The following DCDC2C variants were observed in gnomAD, a reference collection of about 807,000 sequenced individuals.
DCDC2C encodes the protein doublecortin domain containing 2C.
A neutral mutation model predicts 45.0 loss-of-function variants in DCDC2C; 44 were observed. The observed-to-expected ratio is 0.98, with a 90% CI of 0.77 to 1.26. DCDC2C has a LOEUF of 1.26. Ranked by LOEUF, DCDC2C falls within the 50% of genes most tolerant of loss-of-function variation. The pLI, the probability that DCDC2C is intolerant of heterozygous loss-of-function variation, is 0.00. For synonymous variants in DCDC2C, 187 were observed against 178.8 expected, an observed-to-expected ratio of 1.05 and a Z score of -0.37; for missense variants, 447 against 468.9, an observed-to-expected ratio of 0.95 and a Z score of 0.43.
At chr2:3,750,097 C>T (rs750353267) in intron 4 of DCDC2C, among the ~76,000 whole-genome samples, 2 of 151,786 alleles carry the variant, frequency 1.3e-5, no homozygotes, top group Admixed American at 6.6e-5. Context: ...CCCGGATCCA[C>T]GCTGGACACT....
At chr2:3,745,434 CTTAAA>C (rs1399437830) in intron 4 of DCDC2C, among the ~76,000 whole-genome samples, 3 of 152,024 alleles carry the variant, frequency 2.0e-5, no homozygotes, top group Non-Finnish European at 4.4e-5. Flanking sequence ...TTTTCCTGGA[CTTAAA>C]TTAGTTTTTT....
At chr2:3,710,123 G>T (rs1000199359) in intron 2 of DCDC2C, among the ~76,000 whole-genome samples, 1 of 152,140 alleles carries the variant, frequency 6.6e-6, no homozygotes. Context: ...CAAAAATACT[G>T]TGCAGAAAAT....
intron 8 of DCDC2C, among the ~76,000 whole-genome samples, chr2:3,772,931 A>G (rs1049512886): frequency 6.6e-6 from 1 of 152,130 alleles, no homozygotes; most frequent in African/African-American, 2.4e-5. Context: ...ACTCTCACAG[A>G]GTTCTGTGGG....
At chr2:3,774,455 C>A (rs1004019932) in intron 8 of DCDC2C, among the ~76,000 whole-genome samples, 2 of 152,234 alleles carry the variant, frequency 1.3e-5, no homozygotes, top group Non-Finnish European at 2.9e-5. Context: ...CCACTGCCTC[C>A]CTCCAAGCCT....
Position 3,791,127 on chromosome 2 carries a change from G to A in DCDC2C, c.1065+6027G>A, listed in dbSNP as rs1204038208. Reference sequence around the variant, plus strand: ...CTGTCTCAAAAAAAAAGAAAATTTTGTGGTTCTAGAAGTAGAAAGCTTGTA... The same window carrying A: ...CTGTCTCAAAAAAAAAGAAAATTTTATGGTTCTAGAAGTAGAAAGCTTGTA... On this transcript the variant is annotated intron_variant, in intron 10 of 10. Coordinates refer to ENST00000399143, the MANE Select transcript of DCDC2C (RefSeq NM_001287444.2). Among the ~76,000 whole-genome samples, 4 of 152,016 alleles carry A rather than the reference G, an allele frequency of 2.6e-5. No homozygotes were observed. In the East Asian group the frequency reaches 7.8e-4, roughly 29 times the overall value.
chr2:3,789,883 T>C (rs1670759238), intron 10 of DCDC2C, among the ~76,000 whole-genome samples: 1 of 152,152 alleles, frequency 6.6e-6, no homozygotes, highest in Admixed American at 6.5e-5. Context: ...CATAAGAAAA[T>C]AGAACATAGT....
At chr2:3,755,460 T>C (rs1009299699) in intron 6 of DCDC2C, among the ~76,000 whole-genome samples, 1 of 35,804 alleles carries the variant, frequency 2.8e-5, no homozygotes, top group African/African-American at 7.3e-5. Flanking sequence ...AATGCATGTG[T>C]GTGTATGGAG....
chr2:3,799,618 T>C lies in DCDC2C; in HGVS notation c.1065+14518T>C, dbSNP rs530855288. ...ACCCTCAGCTGCAGGTCTGTTGGAGTACCTGGCCATGTGAGGTGTCAGTCT... is the reference window on the plus strand; with the variant it reads ...ACCCTCAGCTGCAGGTCTGTTGGAGCACCTGGCCATGTGAGGTGTCAGTCT... On this transcript the variant is annotated intron_variant, in intron 10 of 10. Transcript: ENST00000399143. Among the ~76,000 whole-genome samples, 4 of 152,392 alleles carry C rather than the reference T, an allele frequency of 2.6e-5. No individual in the cohort carries two copies. The South Asian group carries it at 8.3e-4, about 32-fold the overall frequency.
At chr2:3,805,730 T>C (rs1239275106) in intron 10 of DCDC2C, among the ~76,000 whole-genome samples, 2 of 152,238 alleles carry the variant, frequency 1.3e-5, no homozygotes, top group African/African-American at 4.8e-5. Context: ...CGGATGATGC[T>C]GCATGCCAAA....
chr2:3,734,911 C>T lies in DCDC2C; in HGVS notation c.417-7009C>T, dbSNP rs949166227. 5.9e-5 allele frequency among the ~76,000 whole-genome samples: 9 copies of T among 152,086 alleles called. No homozygotes were observed. The highest frequency in any genetic ancestry group is 2.0e-4 in the Admixed American group (3 of 15,262). ...CTTTAGATAGGGGGTTCCTTACTCCCGGGTCCAGGGATGACTCCCTTATCG... is the reference window on the plus strand; with the variant it reads ...CTTTAGATAGGGGGTTCCTTACTCCTGGGTCCAGGGATGACTCCCTTATCG... On this transcript the variant is annotated intron_variant, in intron 3 of 10. Coordinates refer to ENST00000399143, the MANE Select transcript of DCDC2C (RefSeq NM_001287444.2). The surrounding 1 kb of genome is among the most constrained non-coding windows in gnomAD (Gnocchi z 4.2).
intron 10 of DCDC2C, among the ~76,000 whole-genome samples, chr2:3,844,797 T>A (rs552053412): frequency 1.3e-5 from 2 of 152,316 alleles, no homozygotes; most frequent in Admixed American, 1.3e-4. Flanking sequence ...TTAGCGAGAC[T>A]GGGTGAATCA....
At chr2:3,780,496 T>C (rs1670480027) in intron 9 of DCDC2C, among the ~76,000 whole-genome samples, 1 of 152,224 alleles carries the variant, frequency 6.6e-6, no homozygotes, top group South Asian at 2.1e-4. Context: ...CAAAATGTCT[T>C]TCTTAATGTA....
chr2:3,741,983 GT>G lies in DCDC2C; in HGVS notation c.481del (p.Ser161ProfsTer17). On this transcript the variant is annotated frameshift_variant, in exon 4 of 11. Transcript: ENST00000399143. LOFTEE classifies it high-confidence loss of function. ...AKIIIPKFSL[S>X]DWDIVLATIG... ...AAATCATTATACCCAAATTTAGTCT[GT>G]CCGATTGGGACATCGTGCTGGCCAC... 6.5e-7 allele frequency: 1 copy of G among 1,548,752 alleles called. No homozygotes were observed. The highest frequency in any genetic ancestry group is 1.7e-4 in the Middle Eastern group (1 of 5,992).
At chr2:3,766,352 G>A (rs954351259) in intron 6 of DCDC2C, among the ~76,000 whole-genome samples, 2 of 151,740 alleles carry the variant, frequency 1.3e-5, no homozygotes, top group African/African-American at 4.9e-5. Flanking sequence ...TATCTTAGAG[G>A]CCAAAGTTAT....
At chr2:3,792,944 T>A (rs1245319657) in intron 10 of DCDC2C, among the ~76,000 whole-genome samples, 1 of 152,188 alleles carries the variant, frequency 6.6e-6, no homozygotes, top group African/African-American at 2.4e-5. Flanking sequence ...ACAAAGCCAA[T>A]GTGAGAAGCA....
intron 3 of DCDC2C, among the ~76,000 whole-genome samples, chr2:3,728,610 T>C (rs1668768019): frequency 6.6e-6 from 1 of 152,216 alleles, no homozygotes; most frequent in Admixed American, 6.5e-5. Context: ...TTTGTCTTGG[T>C]GTGTTGGAAT....
At chr2:3,712,366 C>T (rs1030142547) in intron 2 of DCDC2C, among the ~76,000 whole-genome samples, 8 of 151,876 alleles carry the variant, frequency 5.3e-5, no homozygotes, top group East Asian at 1.9e-4. Context: ...TAATACCTAA[C>T]GAACTAAAAG....
intron 6 of DCDC2C, among the ~76,000 whole-genome samples, chr2:3,760,772 CCACCATGG>C (rs941339875): frequency 5.3e-5 from 8 of 151,950 alleles, no homozygotes; most frequent in South Asian, 2.1e-4. Context: ...GTGCAGCAAA[CCACCATGG>C]CACATGTATA....
intron 6 of DCDC2C, among the ~76,000 whole-genome samples, chr2:3,764,045 G>T (rs772214684): frequency 2.0e-5 from 3 of 152,202 alleles, no homozygotes; most frequent in Non-Finnish European, 4.4e-5. Context: ...TAGTTAACAT[G>T]AGCAGACTAA....
Sources: allele counts gnomAD v4.1 joint callset (sites outside exome capture counted in the v4.1 genomes callset), GRCh38; gene constraint gnomAD v4.1.1; non-coding constraint Gnocchi (gnomAD v3.1); transcripts MANE v1.5; gene names NCBI Gene and HGNC (gene_info 2026-07-23, HGNC 2026-07-21).